Variants in DNM3 observed in about 807,000 individuals in gnomAD.
DNM3 encodes the protein dynamin-3.
In DNM3, 47 loss-of-function variants were observed where a neutral mutation model predicts 101.6. The observed-to-expected ratio is 0.46, with a 90% CI of 0.37 to 0.59. The LOEUF (loss-of-function observed/expected upper bound fraction) is 0.59, where lower values mean the gene tolerates loss of function less well. DNM3 is among the 20% of genes least tolerant of loss of function. The pLI, the probability that DNM3 is intolerant of heterozygous loss-of-function variation, is 0.00. For missense variants in DNM3, 849 were observed against 1,085.7 expected (o/e 0.78, Z 3.06); for synonymous variants, 385 against 387.9 (o/e 0.99, Z 0.09).
chr1:171,971,292 G>A (rs2043974703), intron 2 of DNM3, among the ~76,000 whole-genome samples: 1 of 151,688 alleles, frequency 6.6e-6, no homozygotes, highest in East Asian at 1.9e-4. Context: ...ATTATATGAA[G>A]TCTCCTAAGT....
At chr1:172,004,466 C>T (rs778624687) in intron 4 of DNM3, among the ~76,000 whole-genome samples, 6 of 151,746 alleles carry the variant, frequency 4.0e-5, no homozygotes, top group Non-Finnish European at 8.8e-5. Flanking sequence ...TGGATAATGG[C>T]GGAACTAAGG....
intron 17 of DNM3, among the ~76,000 whole-genome samples, chr1:172,350,318 GT>G (rs1396458777): frequency 2.5e-3 from 1 of 404 alleles, no homozygotes; most frequent in Non-Finnish European, 0.014. Context: ...ATTTTATCTT[GT>G]GTGTGTGTGT....
intron 14 of DNM3, among the ~76,000 whole-genome samples, chr1:172,232,394 C>T (rs2061372709): frequency 6.6e-6 from 1 of 152,140 alleles, no homozygotes; most frequent in South Asian, 2.1e-4. Context: ...AAAGCAAGTC[C>T]TGAGAGACCT....
At chr1:172,250,089 T>C (rs1219498435) in intron 14 of DNM3, among the ~76,000 whole-genome samples, 1 of 152,122 alleles carries the variant, frequency 6.6e-6, no homozygotes, top group African/African-American at 2.4e-5. Context: ...AATGCACTTA[T>C]AAATTGAAGC....
At chr1:171,859,570 T>A (rs1468020930) in intron 1 of DNM3, among the ~76,000 whole-genome samples, 1 of 152,202 alleles carries the variant, frequency 6.6e-6, no homozygotes, top group Non-Finnish European at 1.5e-5. Flanking sequence ...TGATGCCTTT[T>A]ATTGAACATC....
rs77044703 is a variant in DNM3, at chr1:172,132,505, G to T, written c.1659+1217G>T. 5.3e-4 allele frequency among the ~76,000 whole-genome samples: 81 copies of T among 152,248 alleles called. 1 individual carries two copies. In the East Asian group the frequency reaches 0.015, roughly 29 times the overall value. On this transcript the variant is annotated intron_variant, in intron 14 of 20. Transcript: ENST00000627582. ...CTTAGCTATCTCTGTCATTCTGTGG[G>T]AAGCTCTAGTTTTAACATAGTTTGA...
At chr1:172,025,420 A>G (rs1184748934) in intron 4 of DNM3, among the ~76,000 whole-genome samples, 1 of 152,234 alleles carries the variant, frequency 6.6e-6, no homozygotes, top group Non-Finnish European at 1.5e-5. Flanking sequence ...TGAAGAGAGC[A>G]GTGGATCTCT....
At chr1:172,145,191 T>C (rs1357883778) in intron 14 of DNM3, among the ~76,000 whole-genome samples, 1 of 152,102 alleles carries the variant, frequency 6.6e-6, no homozygotes, top group Non-Finnish European at 1.5e-5. Context: ...GATGAAATAG[T>C]AAACAGAAAG....
intron 14 of DNM3, among the ~76,000 whole-genome samples, chr1:172,234,803 A>G (rs1315913809): frequency 6.6e-6 from 1 of 152,208 alleles, no homozygotes; most frequent in Non-Finnish European, 1.5e-5. Flanking sequence ...CCATATGTAG[A>G]AAGCTGAAAC....
At chr1:172,165,183 G>A (rs1018763130) in intron 14 of DNM3, among the ~76,000 whole-genome samples, 1 of 152,006 alleles carries the variant, frequency 6.6e-6, no homozygotes, top group Admixed American at 6.6e-5. Context: ...CAGCTTTACT[G>A]GGTGAAGTGT....
intron 14 of DNM3, among the ~76,000 whole-genome samples, chr1:172,183,878 G>A (rs1300964053): frequency 1.4e-5 from 2 of 147,836 alleles, no homozygotes; most frequent in African/African-American, 2.5e-5. Flanking sequence ...AAAGTGCTGG[G>A]ATTACAGGCA....
chr1:172,073,951 G>A (rs2052427781), intron 11 of DNM3, among the ~76,000 whole-genome samples: 1 of 152,042 alleles, frequency 6.6e-6, no homozygotes, highest in African/African-American at 2.4e-5. Context: ...TCTCCCCATT[G>A]AATACTATTT....
chr1:171,876,067 G>T (rs1251307267), intron 1 of DNM3, among the ~76,000 whole-genome samples: 1 of 151,840 alleles, frequency 6.6e-6, no homozygotes, highest in East Asian at 1.9e-4. Context: ...CCTCGGCCTC[G>T]CAAAGTCCTG....
chr1:171,920,357 C>T (rs1421602587), intron 1 of DNM3, among the ~76,000 whole-genome samples: 1 of 152,176 alleles, frequency 6.6e-6, no homozygotes, highest in Admixed American at 6.5e-5. Flanking sequence ...CATTATTGCC[C>T]ACTGAATTGT....
chr1:172,092,761 G>C, intron 12 of DNM3, 63 bp from the exon 13 acceptor site: 11 of 1,469,062 alleles, frequency 7.5e-6, no homozygotes, highest in Non-Finnish European at 1.0e-5. Context: ...TTTAGTATTT[G>C]TTACTTGTTT....
intron 6 of DNM3, among the ~76,000 whole-genome samples, chr1:172,036,972 G>T (rs998413084): frequency 5.7e-5 from 8 of 141,112 alleles, no homozygotes; most frequent in African/African-American, 2.0e-4. Flanking sequence ...CCATCAAAAA[G>T]TGGGCAAAGG....
intron 1 of DNM3, among the ~76,000 whole-genome samples, chr1:171,883,941 T>C (rs1009546188): frequency 3.9e-5 from 6 of 152,238 alleles, no homozygotes; most frequent in Non-Finnish European, 8.8e-5. Context: ...TGCTTTCCCA[T>C]AATGTATCGT....
intron 13 of DNM3, among the ~76,000 whole-genome samples, chr1:172,098,083 C>T (rs777782923): frequency 1.3e-5 from 2 of 152,104 alleles, no homozygotes; most frequent in Non-Finnish European, 2.9e-5. Flanking sequence ...CACGCATTGT[C>T]ATTGATAACA....
intron 1 of DNM3, among the ~76,000 whole-genome samples, chr1:171,870,211 A>C (rs912046282): frequency 2.6e-5 from 4 of 152,166 alleles, no homozygotes; most frequent in Non-Finnish European, 4.4e-5. Flanking sequence ...TTTGACATGA[A>C]TTGCCTTTTA....
Sources: allele counts gnomAD v4.1 joint callset (sites outside exome capture counted in the v4.1 genomes callset), GRCh38; gene constraint gnomAD v4.1.1; transcripts MANE v1.5; gene names NCBI Gene and HGNC (gene_info 2026-07-23, HGNC 2026-07-21).